Variants in FAM135B observed in about 807,000 individuals in gnomAD.
FAM135B encodes the protein protein FAM135B.
In FAM135B, 43 loss-of-function variants were observed where a neutral mutation model predicts 127.7. The ratio of observed to expected loss-of-function variants is 0.34; its 90% confidence interval spans 0.26 to 0.43. The LOEUF (loss-of-function observed/expected upper bound fraction) is 0.43. FAM135B is among the 20% of genes least tolerant of loss of function. The pLI is 1.00. For synonymous variants in FAM135B, 670 were observed against 665.1 expected, an observed-to-expected ratio of 1.01 and a Z score of -0.11; for missense variants, 1,558 against 1,725.6, an observed-to-expected ratio of 0.90 and a Z score of 1.72.
intron 1 of FAM135B, among the ~76,000 whole-genome samples, chr8:138,428,571 C>A (rs577303727): frequency 1.3e-5 from 2 of 152,126 alleles, no homozygotes; most frequent in South Asian, 4.2e-4. Context: ...TTAATGGTAG[C>A]ACAGAGAGGT....
chr8:138,458,546 A>G (rs935953161), intron 1 of FAM135B, among the ~76,000 whole-genome samples: 6 of 152,190 alleles, frequency 3.9e-5, no homozygotes, highest in African/African-American at 1.4e-4. Context: ...AGACCAAAAG[A>G]GAGTACATGT....
intron 1 of FAM135B, among the ~76,000 whole-genome samples, chr8:138,387,980 C>T (rs957882786): frequency 3.3e-5 from 5 of 152,094 alleles, no homozygotes; most frequent in African/African-American, 7.2e-5. Flanking sequence ...TAAGAGGATA[C>T]GCAAATGGCC....
intron 2 of FAM135B, among the ~76,000 whole-genome samples, chr8:138,366,676 T>C (rs975596513): frequency 6.6e-6 from 1 of 152,176 alleles, no homozygotes. Flanking sequence ...GTAGGGGCCA[T>C]AGCACACAAG....
intron 1 of FAM135B, among the ~76,000 whole-genome samples, chr8:138,368,760 C>G (rs1240734513): frequency 1.3e-5 from 2 of 151,854 alleles, no homozygotes; most frequent in African/African-American, 4.8e-5. Flanking sequence ...AGGAAAAAAA[C>G]ATTAAAACAG....
intron 3 of FAM135B, among the ~76,000 whole-genome samples, chr8:138,297,377 C>T (rs191840993): frequency 3.3e-5 from 5 of 152,154 alleles, no homozygotes; most frequent in African/African-American, 9.7e-5. Context: ...AGGCACTGGG[C>T]GCTTGCCCAA....
chr8:138,259,427 A>C (rs1176637716), intron 4 of FAM135B, among the ~76,000 whole-genome samples: 1 of 152,182 alleles, frequency 6.6e-6, no homozygotes, highest in Non-Finnish European at 1.5e-5. Context: ...AATGGGAGTA[A>C]AATAATTACA....
At chr8:138,160,197 C>A (rs1447917848) in intron 12 of FAM135B, among the ~76,000 whole-genome samples, 1 of 151,980 alleles carries the variant, frequency 6.6e-6, no homozygotes, top group African/African-American at 2.4e-5. Flanking sequence ...TATGGATCTC[C>A]TTTTTGACTG....
intron 7 of FAM135B, among the ~76,000 whole-genome samples, chr8:138,216,123 A>G (rs1266544594): frequency 6.6e-6 from 1 of 152,208 alleles, no homozygotes; most frequent in African/African-American, 2.4e-5. Flanking sequence ...TGGTTCCAAT[A>G]GGGTTTCCTT....
intron 4 of FAM135B, among the ~76,000 whole-genome samples, chr8:138,261,083 G>A (rs566260097): frequency 4.0e-5 from 6 of 151,290 alleles, no homozygotes; most frequent in African/African-American, 7.3e-5. Context: ...TGTGGAAATC[G>A]TGCCCATTTT....
At chr8:138,417,467 G>A (rs558413406) in intron 1 of FAM135B, among the ~76,000 whole-genome samples, 9 of 152,162 alleles carry the variant, frequency 5.9e-5, no homozygotes, top group East Asian at 1.9e-4. Flanking sequence ...GTGCTCACTC[G>A]CCCACAATCT....
Position 138,149,550 on chromosome 8 carries a change from A to G in FAM135B, c.3282-864T>C, listed in dbSNP as rs182615235. 3.0e-3 allele frequency among the ~76,000 whole-genome samples: 452 copies of G among 152,300 alleles called. 1 individual carries two copies. Among genetic ancestry groups the G allele is most frequent in the African/African-American group, 0.01 (416 of 41,580 alleles). ...GATGCTCTTTGTCTGGTTACCTGGCAAGATGATGGTTAGGGGACTGGACTC... is the reference window on the plus strand; with the variant it reads ...GATGCTCTTTGTCTGGTTACCTGGCGAGATGATGGTTAGGGGACTGGACTC... On this transcript the variant is annotated intron_variant, in intron 13 of 19. Transcript: ENST00000395297.
At chr8:138,468,767 G>A (rs568390327) in intron 1 of FAM135B, among the ~76,000 whole-genome samples, 17 of 152,260 alleles carry the variant, frequency 1.1e-4, no homozygotes, top group Admixed American at 3.9e-4. Context: ...ATTGGAGGCC[G>A]GATACGGTGG....
chr8:138,466,500 G>C (rs1470184273), intron 1 of FAM135B, among the ~76,000 whole-genome samples: 1 of 152,210 alleles, frequency 6.6e-6, no homozygotes, highest in African/African-American at 2.4e-5. Context: ...CTGAGATTCA[G>C]AGTGGAGGAT....
intron 7 of FAM135B, among the ~76,000 whole-genome samples, chr8:138,210,291 A>G (rs1011501494): frequency 2.6e-5 from 4 of 152,222 alleles, no homozygotes; most frequent in African/African-American, 9.6e-5. Flanking sequence ...GGGCAGGCAC[A>G]GAGTCAGCAG....
chr8:138,405,603 CA>C (rs1277162119), intron 1 of FAM135B, among the ~76,000 whole-genome samples: 3 of 152,004 alleles, frequency 2.0e-5, no homozygotes, highest in African/African-American at 7.3e-5. Context: ...TTTCTTAATG[CA>C]GTCTATCATT....
At chr8:138,316,913 G>A (rs1382355822) in intron 2 of FAM135B, among the ~76,000 whole-genome samples, 2 of 151,866 alleles carry the variant, frequency 1.3e-5, no homozygotes, top group East Asian at 3.9e-4. Context: ...CTGGGAGGCG[G>A]AGCTTGCAGT....
chr8:138,246,676 A>G (rs762741421), intron 6 of FAM135B, among the ~76,000 whole-genome samples: 2 of 152,036 alleles, frequency 1.3e-5, no homozygotes, highest in Non-Finnish European at 2.9e-5. Flanking sequence ...TAGGGTCAGA[A>G]CCCCCACACA....
At chr8:138,219,971 T>C (rs1460973504) in intron 7 of FAM135B, among the ~76,000 whole-genome samples, 1 of 152,102 alleles carries the variant, frequency 6.6e-6, no homozygotes, top group Non-Finnish European at 1.5e-5. Context: ...CATTTTTTTC[T>C]CACCCCAAAC....
At chr8:138,239,366 A>G (rs1053905773) in intron 7 of FAM135B, among the ~76,000 whole-genome samples, 1 of 152,116 alleles carries the variant, frequency 6.6e-6, no homozygotes, top group African/African-American at 2.4e-5. Flanking sequence ...TTCTTTTGAG[A>G]AGTGTCTGTT....
Sources: gnomAD v4.1 joint callset for allele counts (sites outside exome capture counted in the v4.1 genomes callset) on GRCh38, gnomAD v4.1.1 for gene constraint, MANE v1.5 for transcripts, NCBI Gene and HGNC (gene_info 2026-07-23, HGNC 2026-07-21) for gene names.